Variants in ARNT observed in about 807,000 individuals in gnomAD.
The protein encoded by ARNT is aryl hydrocarbon receptor nuclear translocator, also known as class E basic helix-loop-helix protein 2.
Under a neutral mutation model 105.0 loss-of-function variants are expected in ARNT, and 30 were observed. The observed-to-expected ratio is 0.29, with a 90% confidence interval of 0.21 to 0.39. The LOEUF (loss-of-function observed/expected upper bound fraction) is 0.39. ARNT is among the 10% of genes least tolerant of loss of function. ARNT has a pLI of 1.00. For synonymous variants in ARNT, 304 were observed against 344.0 expected (o/e 0.88, Z 1.29); for missense variants, 748 against 978.7 (o/e 0.76, Z 3.15).
In ARNT at chr1:150,816,349, C is replaced by T. The variant is rs998245936; in HGVS notation, c.1860G>A (p.Gln620=). 1.1e-5 allele frequency: 18 copies of T among 1,609,748 alleles called. No individual in the cohort carries two copies. The highest frequency in any genetic ancestry group is 1.3e-5 in the Non-Finnish European group (15 of 1,178,856). The part of the protein sequence containing the change: ...TIVQPSASAG[Q]MLAQISRHSN... ...AGTGGCGGGAAATCTGGGCCAACAT[C>T]TGTCCTGCAGAAGCTGATGGCTGGA... The change falls in exon 19 of 22, where the codon CAG becomes CAA. Residue 620 remains glutamine, a synonymous_variant. Transcript: ENST00000358595.
chr1:150,823,163 C>T, intron 14 of ARNT, 31 bp downstream of exon 14: 3 of 1,486,734 alleles, frequency 2.0e-6, no homozygotes, highest in Non-Finnish European at 2.7e-6. Context: ...AGAGGAAAAA[C>T]AGTTTTTTCA....
chr1:150,813,248 T>G lies in ARNT; in HGVS notation c.2204A>C (p.His735Pro), dbSNP rs982837315. Residue 735 changes from histidine (H) to proline (P), a missense_variant, in exon 21 of 22, where the codon CAT becomes CCT. His to Pro is a moderately conservative substitution (Grantham distance 77, BLOSUM62 -2). Transcript: ENST00000358595. Reference sequence around the variant, plus strand: ...TTGCTCACTAGAACTTGAACGATGATGAGGCTGCTGGCCCTGCCACTGTGG... The same window carrying G: ...TTGCTCACTAGAACTTGAACGATGAGGAGGCTGCTGGCCCTGCCACTGTGG... ...VWPQWQGQQP[H>P]HRSSSSEQHV... The G allele has an allele frequency of 1.9e-6, 3 of 1,614,058 alleles. No individual in the cohort carries two copies. Among genetic ancestry groups the G allele is most frequent in the Non-Finnish European group, 2.5e-6 (3 of 1,179,982 alleles).
intron 2 of ARNT, among the ~76,000 whole-genome samples, chr1:150,856,296 C>T (rs1469526382): frequency 1.8e-4 from 27 of 151,898 alleles, no homozygotes; most frequent in Admixed American, 1.6e-3. Context: ...AAAAATTAGT[C>T]GGGCATCATG....
At chr1:150,875,279 A>T (rs945508354) in intron 1 of ARNT, among the ~76,000 whole-genome samples, 1 of 151,506 alleles carries the variant, frequency 6.6e-6, no homozygotes, top group African/African-American at 2.4e-5. Context: ...TTAAAAGATT[A>T]AAAAAAAATG....
At position 150,813,195 on chromosome 1, in the gene ARNT, G is replaced by A; in HGVS notation, c.2257C>T (p.Pro753Ser). 1 of 1,613,418 alleles carries A rather than the reference G, an allele frequency of 6.2e-7. No homozygotes were observed. Among genetic ancestry groups the A allele is most frequent in the Non-Finnish European group, 8.5e-7 (1 of 1,179,744 alleles). ...QHVQQPPAQQ[P>S]GQPEVFQEML... ...ACCTGGAAGACCTCAGGCTGGCCAGGTTGCTGTGCTGGCGGTTGTTGAACA... is the reference window on the plus strand; with the variant it reads ...ACCTGGAAGACCTCAGGCTGGCCAGATTGCTGTGCTGGCGGTTGTTGAACA... Residue 753 changes from proline to serine, a missense_variant, in exon 21 of 22, where the codon CCT becomes TCT. Pro to Ser is a moderately conservative substitution (Grantham distance 74). Coordinates refer to ENST00000358595, the MANE Select transcript of ARNT (RefSeq NM_001668.4).
rs1444558900 is a variant in ARNT, at chr1:150,816,776, T to C, written c.1802+12A>G. The C allele has an allele frequency of 2.5e-6, 4 of 1,573,998 alleles. No individual in the cohort carries two copies. In the South Asian group the frequency reaches 3.6e-5, roughly 14 times the overall value. On this transcript the variant is annotated intron_variant, in intron 18 of 21. Transcript: ENST00000358595. ...AGGGCCCTGTAAAGCAGCACATATA[T>C]ACGGGGCTCACCTGAAATTCTCTGC... is the stretch of plus-strand genomic sequence containing the variant.
At chr1:150,832,483 T>G in intron 8 of ARNT, 84 bp from the exon 9 acceptor site, 1 of 1,276,682 alleles carries the variant, frequency 7.8e-7, no homozygotes, top group Non-Finnish European at 1.1e-6. Context: ...TAACATGCTC[T>G]GGATACAACC....
intron 5 of ARNT, 81 bp downstream of exon 5, chr1:150,842,343 G>T: frequency 6.5e-7 from 1 of 1,544,496 alleles, no homozygotes; most frequent in South Asian, 1.2e-5. Flanking sequence ...AAGAGAAAGG[G>T]GAAGAAAAGA....
intron 10 of ARNT, 72 bp downstream of exon 10, chr1:150,831,746 A>G: frequency 9.8e-7 from 1 of 1,015,292 alleles, no homozygotes; most frequent in South Asian, 1.4e-5. Context: ...TATATAATAA[A>G]TATTAGCTTT....
intron 1 of ARNT, among the ~76,000 whole-genome samples, chr1:150,866,842 G>C (rs760094080): frequency 6.6e-6 from 1 of 152,174 alleles, no homozygotes; most frequent in Non-Finnish European, 1.5e-5. Context: ...GAAAGATACA[G>C]AAAGGTAGGA....
intron 1 of ARNT, among the ~76,000 whole-genome samples, chr1:150,864,863 C>T (rs1161229179): frequency 1.1e-5 from 1 of 90,410 alleles, no homozygotes; most frequent in Non-Finnish European, 2.4e-5. Flanking sequence ...CTGAAGAAAA[C>T]AAAATGGTTT....
At chr1:150,875,941 T>C (rs2102553198) in intron 1 of ARNT, among the ~76,000 whole-genome samples, 1 of 152,222 alleles carries the variant, frequency 6.6e-6, no homozygotes, top group Admixed American at 6.5e-5. Context: ...CAGGCCCTCT[T>C]AACACAAGAT....
intron 1 of ARNT, among the ~76,000 whole-genome samples, chr1:150,860,197 T>A (rs1474722939): frequency 7.1e-6 from 1 of 141,264 alleles, no homozygotes; most frequent in African/African-American, 2.6e-5. Flanking sequence ...AGGCAACCCA[T>A]GGAATAGAAA....
chr1:150,862,943 C>T (rs1014286429), intron 1 of ARNT, among the ~76,000 whole-genome samples: 1 of 149,378 alleles, frequency 6.7e-6, no homozygotes, highest in African/African-American at 2.5e-5. Context: ...CCCAGCTACT[C>T]GGGAGGCTGA....
intron 9 of ARNT, 53 bp downstream of exon 9, chr1:150,832,281 G>T: frequency 6.3e-7 from 1 of 1,578,136 alleles, no homozygotes; most frequent in East Asian, 2.2e-5. Context: ...AAAATGTGAT[G>T]ATCTCTGCAG....
intron 14 of ARNT, among the ~76,000 whole-genome samples, chr1:150,820,493 C>CA (rs1048800686): frequency 6.6e-6 from 1 of 151,962 alleles, no homozygotes; most frequent in African/African-American, 2.4e-5. Flanking sequence ...CCCATCTCTA[C>CA]AAAAAATACA....
chr1:150,875,405 T>A (rs1168734514), intron 1 of ARNT, among the ~76,000 whole-genome samples: 1 of 152,194 alleles, frequency 6.6e-6, no homozygotes, highest in Non-Finnish European at 1.5e-5. Context: ...ATACTGCCTT[T>A]CAGTAACATG....
intron 8 of ARNT, among the ~76,000 whole-genome samples, chr1:150,834,070 A>C (rs1490990842): frequency 1.3e-5 from 2 of 151,228 alleles, no homozygotes; most frequent in Non-Finnish European, 2.9e-5. Flanking sequence ...AGTGGCTGGG[A>C]TTATGGGCGC....
intron 14 of ARNT, 184 bp from the exon 15 acceptor site, chr1:150,818,214 A>G: frequency 1.9e-6 from 1 of 514,854 alleles, no homozygotes; most frequent in Non-Finnish European, 3.4e-6. Context: ...TTCAGCAAAC[A>G]GAAACCATGT....
Sources: allele counts gnomAD v4.1 joint callset (sites outside exome capture counted in the v4.1 genomes callset), GRCh38; gene constraint gnomAD v4.1.1; transcripts MANE v1.5; gene names NCBI Gene and HGNC (gene_info 2026-07-23, HGNC 2026-07-21).